HM13: variants seen among roughly 807,000 people sequenced by gnomAD.
HM13 encodes the protein histocompatibility minor 13.
In HM13, 18 loss-of-function variants were observed where a neutral mutation model predicts 50.0. That is an observed-to-expected ratio of 0.36 (90% CI 0.25 to 0.53). HM13 has a LOEUF of 0.53. HM13 is among the 20% of genes least tolerant of loss of function. HM13 has a pLI of 0.90. For synonymous variants in HM13, 197 were observed against 232.6 expected (o/e 0.85, Z 1.39); for missense variants, 393 against 552.4 (o/e 0.71, Z 2.89).
intron 4 of HM13, among the ~76,000 whole-genome samples, chr20:31,545,916 C>G (rs773996760): frequency 7.2e-5 from 11 of 152,046 alleles, no homozygotes; most frequent in Non-Finnish European, 1.5e-4. Context: ...AGGCTGGTCT[C>G]AAACTCCTGA....
chr20:31,533,303 G>A (rs1247513634), intron 2 of HM13, among the ~76,000 whole-genome samples: 1 of 152,226 alleles, frequency 6.6e-6, no homozygotes. Flanking sequence ...AGGAGATCAA[G>A]ACCAGCCTAG....
intron 2 of HM13, among the ~76,000 whole-genome samples, chr20:31,531,069 G>T (rs2122569488): frequency 6.6e-6 from 1 of 152,112 alleles, no homozygotes; most frequent in African/African-American, 2.4e-5. Context: ...TTTTGAGATG[G>T]AGTCTCACTC....
chr20:31,568,988 G>A (rs1600678026), intron 12 of HM13, 132 bp from the exon 13 acceptor site: 2 of 630,370 alleles, frequency 3.2e-6, no homozygotes, highest in African/African-American at 1.9e-5. Context: ...GCTGGGCAGT[G>A]GACACAGGGC....
intron 1 of HM13, among the ~76,000 whole-genome samples, chr20:31,518,814 C>A (rs954109946): frequency 2.6e-5 from 4 of 151,908 alleles, no homozygotes; most frequent in Non-Finnish European, 5.9e-5. Flanking sequence ...GCCCTGATTG[C>A]ACCACTGGGC....
intron 1 of HM13, among the ~76,000 whole-genome samples, chr20:31,524,410 T>C (rs1050536285): frequency 3.3e-5 from 5 of 152,210 alleles, no homozygotes; most frequent in Non-Finnish European, 5.9e-5. Context: ...GAACTATATC[T>C]GTAGGGAGAA....
chr20:31,532,700 A>G (rs1324474459), intron 2 of HM13, among the ~76,000 whole-genome samples: 1 of 152,188 alleles, frequency 6.6e-6, no homozygotes, highest in Non-Finnish European at 1.5e-5. Flanking sequence ...AGAACTGTGC[A>G]TTGATCTCCC....
At chr20:31,544,121 C>T (rs188192895) in intron 3 of HM13, among the ~76,000 whole-genome samples, 2 of 152,310 alleles carry the variant, frequency 1.3e-5, no homozygotes, top group Admixed American at 1.3e-4. Flanking sequence ...AGATTGAGGT[C>T]CAGGGAGACA....
chr20:31,515,580 C>G (rs1981723313), intron 1 of HM13, among the ~76,000 whole-genome samples: 1 of 152,108 alleles, frequency 6.6e-6, no homozygotes, highest in Admixed American at 6.5e-5. Flanking sequence ...AGACAATCCC[C>G]CCACCAAACT....
chr20:31,530,241 C>T (rs1982731872), intron 2 of HM13, among the ~76,000 whole-genome samples: 1 of 151,904 alleles, frequency 6.6e-6, no homozygotes, highest in Non-Finnish European at 1.5e-5. Flanking sequence ...TTTTTTTCAA[C>T]CTAAAGTACA....
intron 11 of HM13, among the ~76,000 whole-genome samples, chr20:31,567,142 C>T (rs1226439831): frequency 1.3e-5 from 2 of 152,206 alleles, no homozygotes; most frequent in South Asian, 2.1e-4. Flanking sequence ...CCCCCGCCTG[C>T]CTGCCCACAT....
chr20:31,516,858 G>A (rs749993932), intron 1 of HM13, among the ~76,000 whole-genome samples: 6 of 152,200 alleles, frequency 3.9e-5, no homozygotes, highest in East Asian at 1.9e-4. Flanking sequence ...AAACCTTGAC[G>A]CCCTTTGATG....
intron 2 of HM13, among the ~76,000 whole-genome samples, chr20:31,531,604 T>C (rs79616455): frequency 3.3e-5 from 5 of 152,086 alleles, no homozygotes; most frequent in Non-Finnish European, 7.4e-5. Context: ...TGTTATTGTT[T>C]TGTTTTGTTT....
Position 31,519,873 on chromosome 20 carries a change from C to T in HM13, c.183+5139C>T, listed in dbSNP as rs990188669. On this transcript the variant is annotated intron_variant, in intron 1 of 12. Transcript: ENST00000398174. ...TTTTTTTTTTTTTTTGAGACAGTCT[C>T]GCTCTGTTGCCCAGGCTGAGTGTGA... Among the ~76,000 whole-genome samples, 8 of 139,190 alleles carry T rather than the reference C, an allele frequency of 5.7e-5. 1 individual carries two copies. In the East Asian group the frequency reaches 1.5e-3, roughly 25 times the overall value. 91.3% of individuals were successfully genotyped at this position (139,190 alleles called of 152,430 possible). A position where few individuals can be genotyped will look rare whatever the true frequency, so the allele number is the denominator to read the frequency against.
At chr20:31,527,643 AT>A in intron 2 of HM13, 61 bp downstream of exon 2, 1 of 1,199,824 alleles carries the variant, frequency 8.3e-7, no homozygotes, top group Non-Finnish European at 1.2e-6. Flanking sequence ...ATTTTGTTTT[AT>A]TTTTCCCATC....
Position 31,549,066 on chromosome 20 carries a change from G to A in HM13, c.492G>A (p.Val164=), listed in dbSNP as rs762744761. The change falls in exon 5 of 13, where the codon GTG becomes GTA. Residue 164 remains valine, a synonymous_variant. Transcript: ENST00000398174. ...INYEFDTKDL[V]CLGLSSIVGV... is the part of the protein sequence containing the mutation. ...ATGAATTTGACACCAAGGACCTGGT[G>A]TGCCTGGGCCTGAGCAGCATCGTTG... The A allele has an allele frequency of 1.2e-6, 2 of 1,614,170 alleles. No individual in the cohort carries two copies. Among genetic ancestry groups the A allele is most frequent in the Admixed American group, 3.3e-5 (2 of 60,026 alleles).
At chr20:31,549,529 G>A (rs1444503114) in intron 6 of HM13, among the ~76,000 whole-genome samples, 197 bp downstream of exon 6, 1 of 152,164 alleles carries the variant, frequency 6.6e-6, no homozygotes, top group Non-Finnish European at 1.5e-5. Context: ...CTTTCTGAGA[G>A]CACACTCATG....
At chr20:31,541,408 G>A (rs1983444902) in intron 3 of HM13, 1 of 151,690 alleles carries the variant, frequency 6.6e-6, no homozygotes, top group Admixed American at 6.6e-5. Flanking sequence ...GTGAACCTGG[G>A]AGGCAGAGAG....
chr20:31,553,623 G>A (rs1568795436), intron 7 of HM13, among the ~76,000 whole-genome samples: 1 of 151,882 alleles, frequency 6.6e-6, no homozygotes, highest in Admixed American at 6.6e-5. Context: ...AGCCTCTAAG[G>A]CCCACTTATA....
intron 2 of HM13, among the ~76,000 whole-genome samples, chr20:31,533,269 G>A (rs1233055567): frequency 4.6e-5 from 7 of 152,202 alleles, no homozygotes; most frequent in African/African-American, 7.2e-5. Flanking sequence ...TTGGGAGGCC[G>A]AGGCGGGCAG....
Sources: allele counts gnomAD v4.1 joint callset (sites outside exome capture counted in the v4.1 genomes callset), GRCh38; gene constraint gnomAD v4.1.1; transcripts MANE v1.5; gene names NCBI Gene and HGNC (gene_info 2026-07-23, HGNC 2026-07-21).